VSTM2B: variants seen among roughly 807,000 people sequenced by gnomAD.
VSTM2B encodes the protein V-set and transmembrane domain containing 2B, also known as V-set and transmembrane domain-containing protein 2B.
Under a neutral mutation model 24.0 loss-of-function variants are expected in VSTM2B, and 24 were observed. The ratio of observed to expected loss-of-function variants is 1.00; its 90% confidence interval spans 0.72 to 1.40. The LOEUF (loss-of-function observed/expected upper bound fraction) is 1.40, where lower values mean the gene tolerates loss of function less well. Ranked by LOEUF, VSTM2B falls within the 40% of genes most tolerant of loss-of-function variation. The probability of loss-of-function intolerance (pLI) is 0.00; values close to 1 mark genes in which losing one functional copy is unlikely to be tolerated. For missense variants in VSTM2B, 399 were observed against 416.4 expected, an observed-to-expected ratio of 0.96 and a Z score of 0.36; for synonymous variants, 226 against 194.4, an observed-to-expected ratio of 1.16 and a Z score of -1.35.
chr19:29,561,564 G>T (rs1970526854), intron 4 of VSTM2B, among the ~76,000 whole-genome samples: 1 of 152,194 alleles, frequency 6.6e-6, no homozygotes, highest in East Asian at 1.9e-4. Context: ...GATGGAGTTT[G>T]CAGTGAGCTG....
At chr19:29,563,708 A>G (rs1970585040) in intron 4 of VSTM2B, 138 bp from the exon 5 acceptor site, 5 of 674,142 alleles carry the variant, frequency 7.4e-6, no homozygotes, top group Non-Finnish European at 1.3e-5. Context: ...CAAGGCAGCC[A>G]CTATGCACCA....
intron 4 of VSTM2B, among the ~76,000 whole-genome samples, chr19:29,538,323 G>A (rs919808192): frequency 6.6e-6 from 1 of 152,182 alleles, no homozygotes; most frequent in East Asian, 1.9e-4. Flanking sequence ...AGGATCCGGG[G>A]GGATAATCCG....
rs370257308 is a variant in VSTM2B at position 29,547,120 on chromosome 19, A to G, written c.770-16726A>G. Among the ~76,000 whole-genome samples the G allele has an allele frequency of 4.6e-5, 7 of 152,232 alleles. No individual in the cohort carries two copies. The East Asian group carries it at 1.3e-3, about 29-fold the overall frequency. The stretch of plus-strand genomic sequence containing the variant: ...GCTGCCAGATTTAGCAAATAAAAAT[A>G]TAGGACCCCCCGTTAAATTTGAATT... On this transcript the variant is annotated intron_variant, in intron 4 of 4. Transcript: ENST00000335523.
Position 29,526,970 on chromosome 19 carries a change from G to C in VSTM2B, c.83-241G>C, listed in dbSNP as rs939269411. The stretch of plus-strand genomic sequence containing the variant: ...GCGGCCAGGGGCGGGGGAGAAGCAC[G>C]AGTCGCCCCTGCCGCCCCGCCCCAT... On this transcript the variant is annotated intron_variant, in intron 1 of 4. Transcript: ENST00000335523. This position sits in a 1 kb window ranked among gnomAD's most constrained non-coding sequence, Gnocchi z 4.1. 2.2e-6 allele frequency: 1 copy of C among 453,076 alleles called. No individual in the cohort carries two copies. Among genetic ancestry groups the C allele is most frequent in the Non-Finnish European group, 3.8e-6 (1 of 260,200 alleles). The allele number at this position is 453,076 out of a possible 1,614,324, so 28.1% of individuals were successfully genotyped here.
chr19:29,563,909 T>C lies in VSTM2B; in HGVS notation c.833T>C (p.Phe278Ser), dbSNP rs1241535401. 1.3e-6 allele frequency: 2 copies of C among 1,552,254 alleles called. No homozygotes were observed. Among genetic ancestry groups the C allele is most frequent in the Non-Finnish European group, 1.7e-6 (2 of 1,147,136 alleles). ...CTGCTCCTGTTAGCTCTGCATAAGT[T>C]CCTGCGCCTGCTCTTGGGACATTGA... ...LSLLLLALHK[F>S]LRLLLGH Residue 278 changes from phenylalanine to serine, a missense_variant, in exon 5 of 5, where the codon TTC (phenylalanine) becomes TCC (serine). Transcript: ENST00000335523.
intron 4 of VSTM2B, among the ~76,000 whole-genome samples, chr19:29,545,947 G>A (rs1384487997): frequency 6.6e-6 from 1 of 152,104 alleles, no homozygotes; most frequent in South Asian, 2.1e-4. Flanking sequence ...ACTGGCTTGC[G>A]GGGGCTTGGT....
At chr19:29,561,286 T>G (rs767965008) in intron 4 of VSTM2B, among the ~76,000 whole-genome samples, 8 of 149,502 alleles carry the variant, frequency 5.4e-5, no homozygotes, top group Non-Finnish European at 8.9e-5. Flanking sequence ...CGCTCCAACC[T>G]GGGTGACAGA....
At chr19:29,562,631 G>C (rs1002739066) in intron 4 of VSTM2B, among the ~76,000 whole-genome samples, 1 of 152,160 alleles carries the variant, frequency 6.6e-6, no homozygotes, top group African/African-American at 2.4e-5. Flanking sequence ...AAGTAGTGAC[G>C]TCCCCCGGGG....
At chr19:29,550,220 G>A (rs919215481) in intron 4 of VSTM2B, among the ~76,000 whole-genome samples, 11 of 152,208 alleles carry the variant, frequency 7.2e-5, no homozygotes, top group Non-Finnish European at 1.5e-4. Context: ...GATCACTTGA[G>A]GCCAGGATTT....
Position 29,526,706 on chromosome 19 carries a change from G to GTCTT in VSTM2B, c.82+43_82+46dup. On this transcript the variant is annotated intron_variant, in intron 1 of 4. Transcript: ENST00000335523. The surrounding 1 kb of genome is among the most constrained non-coding windows in gnomAD (Gnocchi z 4.1). ...TTGCTGCCGCTGTGGACTCGGGGGG[G>GTCTT]TCTTTGCTGGGGCCGCCACCGAGAA... 6.7e-7 allele frequency: 1 copy of GTCTT among 1,487,916 alleles called. No individual in the cohort carries two copies. The highest frequency in any genetic ancestry group is 9.0e-7 in the Non-Finnish European group (1 of 1,111,326). The allele number at this position is 1,487,916 out of a possible 1,614,324, so 92.2% of individuals were successfully genotyped here.
chr19:29,545,927 G>A (rs369379996), intron 4 of VSTM2B, among the ~76,000 whole-genome samples: 1 of 152,212 alleles, frequency 6.6e-6, no homozygotes, highest in Admixed American at 6.5e-5. Context: ...AGAGTGCTGG[G>A]CTATCAGTGA....
chr19:29,533,023 T>C (rs1188525369), intron 4 of VSTM2B, among the ~76,000 whole-genome samples: 2 of 151,926 alleles, frequency 1.3e-5, no homozygotes, highest in Non-Finnish European at 2.9e-5. Context: ...CTGCCTGCCA[T>C]AGCCAGTCTG....
At chr19:29,541,345 A>C (rs35144762) in intron 4 of VSTM2B, among the ~76,000 whole-genome samples, 8,863 of 152,242 alleles carry the variant, frequency 0.058, 313 homozygotes, top group Middle Eastern at 0.11. Flanking sequence ...GGGGCTTGGA[A>C]TCATTGGATG....
intron 4 of VSTM2B, among the ~76,000 whole-genome samples, chr19:29,543,122 C>T (rs144928731): frequency 4.6e-5 from 7 of 152,270 alleles, no homozygotes; most frequent in African/African-American, 1.7e-4. Context: ...TTCTTGTCCA[C>T]GTACAAATTA....
At chr19:29,547,227 C>T (rs887067235) in intron 4 of VSTM2B, among the ~76,000 whole-genome samples, 1 of 152,160 alleles carries the variant, frequency 6.6e-6, no homozygotes, top group Non-Finnish European at 1.5e-5. Context: ...AAAAAGTATC[C>T]ATTGTTTTTC....
intron 4 of VSTM2B, among the ~76,000 whole-genome samples, chr19:29,537,519 T>C (rs1372164119): frequency 6.6e-6 from 1 of 152,042 alleles, no homozygotes; most frequent in East Asian, 1.9e-4. Context: ...TTTCTGGAAG[T>C]TATTGGTTGT....
At chr19:29,554,093 G>A (rs940697541) in intron 4 of VSTM2B, among the ~76,000 whole-genome samples, 13 of 152,086 alleles carry the variant, frequency 8.5e-5, no homozygotes, top group African/African-American at 2.9e-4. Flanking sequence ...GATACTCCAT[G>A]AGAAGATCAA....
At chr19:29,554,768 C>G (rs1226127529) in intron 4 of VSTM2B, among the ~76,000 whole-genome samples, 3 of 152,142 alleles carry the variant, frequency 2.0e-5, no homozygotes, top group Admixed American at 2.0e-4. Flanking sequence ...GGTTGCAATT[C>G]TAGTTTCTGA....
chr19:29,547,690 A>T, intron 4 of VSTM2B, among the ~76,000 whole-genome samples: 1 of 152,182 alleles, frequency 6.6e-6, no homozygotes, highest in Non-Finnish European at 1.5e-5. Context: ...AAGAAGGCAG[A>T]GGCAAGGGGC....
Sources: allele counts gnomAD v4.1 joint callset (sites outside exome capture counted in the v4.1 genomes callset), GRCh38; gene constraint gnomAD v4.1.1; non-coding constraint Gnocchi (gnomAD v3.1); transcripts MANE v1.5; gene names NCBI Gene and HGNC (gene_info 2026-07-23, HGNC 2026-07-21).